The following STK3 variants were observed in gnomAD, a reference collection of about 807,000 sequenced individuals.
STK3 encodes the protein serine/threonine kinase 3, also known as serine/threonine-protein kinase 3.
In STK3, 41 loss-of-function variants were observed where a neutral mutation model predicts 58.0. That is an observed-to-expected ratio of 0.71 (90% CI 0.55 to 0.92). The LOEUF (loss-of-function observed/expected upper bound fraction) is 0.92, where lower values mean the gene tolerates loss of function less well. Among genes scored for constraint, STK3 ranks in the 40% least tolerant of loss-of-function variants. The probability of loss-of-function intolerance (pLI) is 0.00; values close to 1 mark genes in which losing one functional copy is unlikely to be tolerated. For synonymous variants in STK3, 170 were observed against 191.0 expected, an observed-to-expected ratio of 0.89 and a Z score of 0.91; for missense variants, 479 against 602.7, an observed-to-expected ratio of 0.79 and a Z score of 2.15.
intron 1 of STK3, among the ~76,000 whole-genome samples, chr8:98,805,499 C>T (rs1425953989): frequency 3.3e-5 from 5 of 152,082 alleles, no homozygotes; most frequent in Non-Finnish European, 7.4e-5. Flanking sequence ...TGCTTGAACC[C>T]AGGAGGCAGA....
rs1038887336 is a variant in STK3, at chr8:98,739,025, G to A, written c.351+10251C>T. Among the ~76,000 whole-genome samples, 211 of 152,332 alleles carry A rather than the reference G, an allele frequency of 1.4e-3. 1 individual carries two copies. Among genetic ancestry groups the A allele is most frequent in the Non-Finnish European group, 2.4e-3 (162 of 68,034 alleles). ...GTCTGAGATCAAACTGCAAGGCAGC[G>A]GCGAGGCTGGGGGAGGGGCGCCCGC... is the stretch of plus-strand genomic sequence containing the variant. On this transcript the variant is annotated intron_variant, in intron 4 of 10. Transcript: ENST00000419617.
chr8:98,412,555 C>T (rs866148057), intron 3 of STK3, among the ~76,000 whole-genome samples: 1 of 152,202 alleles, frequency 6.6e-6, no homozygotes. Flanking sequence ...GAGGTGGTCC[C>T]AGCTACAGCA....
chr8:98,348,350 T>C, the STK3 span, among the ~76,000 whole-genome samples: 1 of 152,166 alleles, frequency 6.6e-6, no homozygotes, highest in Non-Finnish European at 1.5e-5. Context: ...CTAGATGACC[T>C]GGGATTTGGC....
chr8:98,720,271 G>C (rs1047456867), intron 4 of STK3, among the ~76,000 whole-genome samples: 1 of 152,268 alleles, frequency 6.6e-6, no homozygotes, highest in East Asian at 1.9e-4. Context: ...ACTTAAGTAA[G>C]TAAGCAGAAA....
chr8:98,670,772 A>C (rs1255531083), intron 6 of STK3, among the ~76,000 whole-genome samples: 2 of 152,194 alleles, frequency 1.3e-5, no homozygotes. Flanking sequence ...AGATGACCCA[A>C]CTTCGAGTGA....
chr8:98,621,703 T>A (rs1818339117), intron 6 of STK3, among the ~76,000 whole-genome samples: 2 of 152,132 alleles, frequency 1.3e-5, no homozygotes, highest in Non-Finnish European at 2.9e-5. Context: ...TTCAGCTGAA[T>A]GGTACTCTCC....
downstream of STK3, chr8:98,882,204 A>T (rs1294290227): frequency 6.6e-6 from 1 of 152,082 alleles, no homozygotes; most frequent in Non-Finnish European, 1.5e-5. Context: ...TCATTCACCT[A>T]TTCTGCTTTG....
intron 10 of STK3, among the ~76,000 whole-genome samples, chr8:98,461,745 C>T (rs1285795867): frequency 6.6e-6 from 1 of 152,088 alleles, no homozygotes; most frequent in Non-Finnish European, 1.5e-5. Flanking sequence ...ATTTATGGAA[C>T]AGTTTTGCTG....
chr8:98,546,929 G>A (rs1274570537), intron 9 of STK3, among the ~76,000 whole-genome samples: 3 of 152,150 alleles, frequency 2.0e-5, no homozygotes, highest in Non-Finnish European at 1.5e-5. Context: ...TGTGAAGAAA[G>A]CAGCAGTACT....
At chr8:98,630,788 AGAGGAAGAAGAG>A (rs1332008172) in intron 6 of STK3, among the ~76,000 whole-genome samples, 3 of 150,982 alleles carry the variant, frequency 2.0e-5, no homozygotes, top group African/African-American at 4.9e-5. Flanking sequence ...AGGAAGAGGA[AGAGGAAGAAGAG>A]GAAGAGGAAG....
intron 1 of STK3, among the ~76,000 whole-genome samples, chr8:98,823,305 A>G (rs1322011078): frequency 6.6e-6 from 1 of 152,224 alleles, no homozygotes; most frequent in Non-Finnish European, 1.5e-5. Context: ...AAAAGTCAGC[A>G]CTAAGGAAGT....
rs755734110 is a variant in STK3 at position 98,428,006 on chromosome 8, G to A, written n.483+6121C>T. 3.2e-6 allele frequency: 5 copies of A among 1,581,096 alleles called. No individual in the cohort carries two copies. Among genetic ancestry groups the A allele is most frequent in the Non-Finnish European group, 4.3e-6 (5 of 1,162,370 alleles). Reference sequence around the variant, plus strand: ...TGACCGGCCAGAGCCTGTGGGACGTGTCGGAGGCTAACGTCGAGGACGGGG... The same window carrying A: ...TGACCGGCCAGAGCCTGTGGGACGTATCGGAGGCTAACGTCGAGGACGGGG... On this transcript the variant is annotated intron_variant and non_coding_transcript_variant, in intron 3 of 3. Transcript: ENST00000517832. This position sits in a 1 kb window ranked among gnomAD's most constrained non-coding sequence, Gnocchi z 6.7.
At chr8:98,575,747 C>CA (rs1319979362) in intron 8 of STK3, among the ~76,000 whole-genome samples, 3 of 151,792 alleles carry the variant, frequency 2.0e-5, no homozygotes, top group Non-Finnish European at 4.4e-5. Flanking sequence ...GCTGGTATTA[C>CA]AGGCATGAGC....
At chr8:98,547,946 T>C (rs1160060348) in intron 9 of STK3, 23 bp downstream of exon 9, 2 of 1,519,230 alleles carry the variant, frequency 1.3e-6, no homozygotes, top group South Asian at 2.7e-5. Context: ...AAAACTAATA[T>C]TTAATGTAAA....
At chr8:98,839,138 C>T (rs541691376) in intron 3 of STK3, among the ~76,000 whole-genome samples, 10 of 152,028 alleles carry the variant, frequency 6.6e-5, no homozygotes, top group African/African-American at 2.2e-4. Flanking sequence ...CCTCAAATTC[C>T]CAGGCTCAGG....
chr8:98,431,907 A>G (rs1818339562), intron 3 of STK3: 1 of 167,084 alleles, frequency 6.0e-6, no homozygotes, highest in Admixed American at 6.5e-5. Context: ...CTCACTTCTG[A>G]GCATGAGAAT....
chr8:98,929,493 C>CA (rs1386440200), intron 1 of STK3, among the ~76,000 whole-genome samples: 2 of 152,036 alleles, frequency 1.3e-5, no homozygotes, highest in African/African-American at 2.4e-5. Context: ...CCCATCTCTG[C>CA]AAAAAAATTA....
chr8:98,839,581 C>T lies in STK3; in HGVS notation c.110+44066G>A, dbSNP rs566489043. On this transcript the variant is annotated intron_variant, in intron 3 of 12. Coordinates refer to the STK3 transcript ENST00000523601. ...CATCCCCATTACAATCTTCTTTTTG[C>T]TCTTTCTTTGGAATTCCTTTCCAAA... Among the ~76,000 whole-genome samples the T allele has an allele frequency of 5.3e-5, 8 of 152,310 alleles. No homozygotes were observed. In the South Asian group the frequency reaches 1.7e-3, roughly 32 times the overall value.
At chr8:98,815,920 T>A (rs532936865) in intron 1 of STK3, among the ~76,000 whole-genome samples, 1 of 152,190 alleles carries the variant, frequency 6.6e-6, no homozygotes, top group Non-Finnish European at 1.5e-5. Context: ...CCACAGCCGC[T>A]AACATCACAA....
Sources: gnomAD v4.1 joint callset for allele counts (sites outside exome capture counted in the v4.1 genomes callset) on GRCh38, gnomAD v4.1.1 for gene constraint, Gnocchi (gnomAD v3.1) non-coding constraint, MANE v1.5 for transcripts, NCBI Gene and HGNC (gene_info 2026-07-23, HGNC 2026-07-21) for gene names.